The following SLX4 variants were observed in gnomAD, a reference collection of about 807,000 sequenced individuals.
The protein encoded by SLX4 is structure-specific endonuclease subunit SLX4.
Under a neutral mutation model 146.2 loss-of-function variants are expected in SLX4, and 112 were observed. The ratio of observed to expected loss-of-function variants is 0.77; its 90% CI spans 0.66 to 0.90. The LOEUF (loss-of-function observed/expected upper bound fraction) is 0.90, where lower values mean the gene tolerates loss of function less well. SLX4 is among the 40% of genes least tolerant of loss of function. The probability of loss-of-function intolerance (pLI) is 0.00; values close to 1 mark genes in which losing one functional copy is unlikely to be tolerated. For synonymous variants in SLX4, 1,061 were observed against 997.7 expected (o/e 1.06, Z -1.20); for missense variants, 2,563 against 2,392.7 (o/e 1.07, Z -1.49).
In SLX4 at chr16:3,581,527, C is replaced by G. The variant is rs1333494601; in HGVS notation, c.*815G>C. On this transcript the variant is annotated 3_prime_UTR_variant, in exon 15 of 15. Transcript: ENST00000294008. Reference sequence around the variant, plus strand: ...CAGGGAGCCTCAGGACACCTGGTCTCAGGCTGGCGGTGGCTGGGGTTGGCC... The same window carrying G: ...CAGGGAGCCTCAGGACACCTGGTCTGAGGCTGGCGGTGGCTGGGGTTGGCC... 6.5e-6 allele frequency: 1 copy of G among 153,388 alleles called. No homozygotes were observed. The highest frequency in any genetic ancestry group is 1.9e-4 in the East Asian group (1 of 5,232). The allele number at this position is 153,388 out of a possible 1,614,324, so 9.5% of individuals were successfully genotyped here.
intron 8 of SLX4, 117 bp from the exon 9 acceptor site, chr16:3,595,810 TATCCGAGGACACCTTC>T: frequency 8.4e-7 from 1 of 1,188,606 alleles, no homozygotes; most frequent in Non-Finnish European, 1.2e-6. Context: ...AGGTGCTTGC[TATCCGAGGACACCTTC>T]ATGCAAAGCA....
intron 12 of SLX4, among the ~76,000 whole-genome samples, chr16:3,588,489 C>T (rs373077912): frequency 2.0e-5 from 3 of 152,208 alleles, no homozygotes; most frequent in Non-Finnish European, 2.9e-5. Context: ...CATCTCCTGA[C>T]GGGCATTTGG....
rs1235554304 is a variant in SLX4, at chr16:3,608,518, A to G, written c.447T>C (p.Asp149=). 1.2e-6 allele frequency: 2 copies of G among 1,614,154 alleles called. No homozygotes were observed. The highest frequency in any genetic ancestry group is 1.7e-6 in the Non-Finnish European group (2 of 1,180,052). ...GTGCTGTTTCCCGGAGCACAGGTGG[A>G]TCTGGAGCAGAGGCAAGCACACCCC... ...GEGGVLASAP[D]PPVLRETAQN... is the part of the protein sequence containing the mutation. Residue 149 remains aspartate, a synonymous_variant, in exon 2 of 15, where the codon GAT becomes GAC. Coordinates refer to ENST00000294008, the MANE Select transcript of SLX4 (RefSeq NM_032444.4).
At chr16:3,602,095 G>A in intron 4 of SLX4, 23 bp downstream of exon 4, 2 of 1,613,904 alleles carry the variant, frequency 1.2e-6, no homozygotes, top group East Asian at 2.2e-5. Flanking sequence ...CACGGGAGAG[G>A]CGACGGCCCA....
At chr16:3,600,755 C>A in intron 5 of SLX4, 1 of 501,096 alleles carries the variant, frequency 2.0e-6, no homozygotes, top group Non-Finnish European at 3.6e-6. Context: ...CATGTGCCAC[C>A]ATGCTAATTT....
In SLX4 at chr16:3,597,773, G is replaced by C; in HGVS notation, c.1366+24C>G. ...GGGACCTGCTGATGGCCTCTCCCAG[G>C]GTCACTCTTCTGATCACACAAACCT... is the stretch of plus-strand genomic sequence containing the variant. On this transcript the variant is annotated intron_variant, in intron 6 of 14. Transcript: ENST00000294008. The surrounding 1 kb of genome is among the most constrained non-coding windows in gnomAD (Gnocchi z 4.4). 1 of 1,614,036 alleles carries C rather than the reference G, an allele frequency of 6.2e-7. No homozygotes were observed. The highest frequency in any genetic ancestry group is 8.5e-7 in the Non-Finnish European group (1 of 1,180,010).
At position 3,589,292 on chromosome 16, in the gene SLX4, A is replaced by G; in HGVS notation, c.4346T>C (p.Leu1449Pro). The change falls in exon 12 of 15, where the codon CTG (leucine) becomes CCG (proline). Residue 1449 changes from leucine to proline, a missense_variant. Coordinates refer to ENST00000294008, the MANE Select transcript of SLX4 (RefSeq NM_032444.4). The surrounding 1 kb of genome is among the most constrained non-coding windows in gnomAD (Gnocchi z 6.2). ...DHWNLERTGP[L>P]STSSPSRRMN... is the part of the protein sequence containing the mutation. The stretch of plus-strand genomic sequence containing the variant: ...CCTGCGGCTGGGGCTGCTGGTGCTC[A>G]GGGGGCCGGTCCGCTCCAGGTTCCA... 3.1e-6 allele frequency: 5 copies of G among 1,588,842 alleles called. No individual in the cohort carries two copies. The highest frequency in any genetic ancestry group is 4.3e-6 in the Non-Finnish European group (5 of 1,166,170).
At position 3,608,481 on chromosome 16, in the gene SLX4, T is replaced by C; in HGVS notation, c.484A>G (p.Thr162Ala). Residue 162 changes from threonine to alanine, a missense_variant, in exon 2 of 15, where the codon ACG becomes GCG. Physicochemically the swap from Thr to Ala is moderately conservative, Grantham distance 58 (BLOSUM62 0). Transcript: ENST00000294008. Reference protein sequence around the residue: ...VLRETAQNTQTGNQQEPSPNL... With the variant: ...VLRETAQNTQAGNQQEPSPNL... ...GGCGATGGTTCTTGCTGGTTACCCG[T>C]CTGGGTGTTTTGTGCTGTTTCCCGG... is the stretch of plus-strand genomic sequence containing the variant. 1 of 1,614,202 alleles carries C rather than the reference T, an allele frequency of 6.2e-7. No individual in the cohort carries two copies. The highest frequency in any genetic ancestry group is 8.5e-7 in the Non-Finnish European group (1 of 1,180,030).
At chr16:3,610,810 G>A (rs1433708314) in intron 1 of SLX4, among the ~76,000 whole-genome samples, 1 of 152,170 alleles carries the variant, frequency 6.6e-6, no homozygotes, top group Non-Finnish European at 1.5e-5. Flanking sequence ...TTCATGAATT[G>A]CAAAGAGTTC....
rs183926603 is a variant in SLX4 at position 3,590,131 on chromosome 16, C to T, written c.3507G>A (p.Lys1169=). 1.1e-4 allele frequency: 173 copies of T among 1,614,140 alleles called. 1 individual carries two copies. In the East Asian group the frequency reaches 3.9e-3, roughly 36 times the overall value. The change falls in exon 12 of 15, where the codon AAG becomes AAA. Residue 1169 remains lysine, a synonymous_variant. Transcript: ENST00000294008. The surrounding 1 kb of genome is among the most constrained non-coding windows in gnomAD (Gnocchi z 4.8). The part of the protein sequence containing the change: ...EELELEQTKM[K]SISSDPLEEK... Reference sequence around the variant, plus strand: ...CTTCCAGAGGATCACTAGAAATGGACTTCATTTTGGTTTGTTCTAGCTCCA... The same window carrying T: ...CTTCCAGAGGATCACTAGAAATGGATTTCATTTTGGTTTGTTCTAGCTCCA...
Position 3,609,026 on chromosome 16 carries a change from A to G in SLX4, c.-62T>C. The G allele has an allele frequency of 6.4e-7, 1 of 1,557,722 alleles. No homozygotes were observed. The highest frequency in any genetic ancestry group is 8.7e-7 in the Non-Finnish European group (1 of 1,146,036). On this transcript the variant is annotated 5_prime_UTR_variant, in exon 2 of 15. Transcript: ENST00000294008. ...GAGTTTGCACAATTGAACAAAAAGTACTGTTTTCCTCTCTATAATGATTGA... is the reference window on the plus strand; with the variant it reads ...GAGTTTGCACAATTGAACAAAAAGTGCTGTTTTCCTCTCTATAATGATTGA...
chr16:3,603,514 A>G (rs965429666), intron 3 of SLX4, among the ~76,000 whole-genome samples: 3 of 152,218 alleles, frequency 2.0e-5, no homozygotes, highest in African/African-American at 4.8e-5. Context: ...CCTCGGCAGG[A>G]CATCAAATCA....
chr16:3,601,964 A>G (rs1442112664), intron 4 of SLX4, 154 bp downstream of exon 4: 2 of 802,310 alleles, frequency 2.5e-6, no homozygotes, highest in Non-Finnish European at 4.1e-6. Flanking sequence ...TGTGAATTGT[A>G]TCTCAACGAA....
At chr16:3,603,668 T>C (rs1315803188) in intron 3 of SLX4, among the ~76,000 whole-genome samples, 1 of 152,256 alleles carries the variant, frequency 6.6e-6, no homozygotes, top group Non-Finnish European at 1.5e-5. Flanking sequence ...CTTTTGTATA[T>C]TTTCATCAGA....
rs748691881 is a variant in SLX4, at chr16:3,589,396, TG to T, written c.4241del (p.Pro1414HisfsTer36). ...TTGGAATTGGGGGGTCACTGTCCAGTGGGGGGCTTCTGTTGGCCTGATGGGA... is the reference window on the plus strand; with the variant it reads ...TTGGAATTGGGGGGTCACTGTCCAGTGGGGGCTTCTGTTGGCCTGATGGGA... ...VASHQANRSP[P>X]LDSDPPIPID... On this transcript the variant is annotated frameshift_variant, in exon 12 of 15. Transcript: ENST00000294008. LOFTEE classifies it high-confidence loss of function. This position sits in a 1 kb window ranked among gnomAD's most constrained non-coding sequence, Gnocchi z 6.2. 1.3e-6 allele frequency: 2 copies of T among 1,599,196 alleles called. No individual in the cohort carries two copies. Among genetic ancestry groups the T allele is most frequent in the Non-Finnish European group, 8.5e-7 (1 of 1,169,880 alleles).
At chr16:3,596,885 C>T (rs144890037) in intron 7 of SLX4, among the ~76,000 whole-genome samples, 2 of 151,354 alleles carry the variant, frequency 1.3e-5, no homozygotes, top group Non-Finnish European at 2.9e-5. Flanking sequence ...TGTAATGGCA[C>T]GGTCTCGGCT....
chr16:3,606,546 C>G lies in SLX4; in HGVS notation c.688G>C (p.Glu230Gln). Reference sequence around the variant, plus strand: ...TCCCGCGCAGCCTCGAGGGAGCACTCTTCTGAAGCGTGTCTCAAACGCTCG... The same window carrying G: ...TCCCGCGCAGCCTCGAGGGAGCACTGTTCTGAAGCGTGTCTCAAACGCTCG... ...DPERLRHASE[E>Q]CSLEAAREEN... Residue 230 changes from glutamate to glutamine, a missense_variant, in exon 3 of 15, where the codon GAG becomes CAG. By Grantham distance (29) the Glu-to-Gln change is conservative. Coordinates refer to ENST00000294008, the MANE Select transcript of SLX4 (RefSeq NM_032444.4). 6.2e-7 allele frequency: 1 copy of G among 1,614,242 alleles called. No homozygotes were observed. The highest frequency in any genetic ancestry group is 8.5e-7 in the Non-Finnish European group (1 of 1,180,052).
chr16:3,588,881 A>G (rs1212747904), intron 12 of SLX4, 121 bp downstream of exon 12: 1 of 1,257,518 alleles, frequency 8.0e-7, no homozygotes, highest in Non-Finnish European at 1.2e-6. Flanking sequence ...CGGAAGTGTC[A>G]TGCCTCAGGT....
rs369420246 is a variant in SLX4, at chr16:3,608,540, C to A, written c.425G>T (p.Gly142Val). The change falls in exon 2 of 15, where the codon GGT becomes GTT. Residue 142 changes from glycine (G) to valine (V), a missense_variant. Transcript: ENST00000294008. ...EPAHSVNGEG[G>V]VLASAPDPPV... ...TGGATCTGGAGCAGAGGCAAGCACA[C>A]CCCCCTCCCCATTCACAGAGTGGGC... 2 of 1,614,056 alleles carry A rather than the reference C, an allele frequency of 1.2e-6. No homozygotes were observed. Among genetic ancestry groups the A allele is most frequent in the Middle Eastern group, 1.6e-4 (1 of 6,084 alleles).
Sources: allele counts gnomAD v4.1 joint callset (sites outside exome capture counted in the v4.1 genomes callset), GRCh38; gene constraint gnomAD v4.1.1; non-coding constraint Gnocchi (gnomAD v3.1); transcripts MANE v1.5; gene names NCBI Gene and HGNC (gene_info 2026-07-23, HGNC 2026-07-21).